The following CCDC83 variants were observed in gnomAD, a reference collection of about 807,000 sequenced individuals.
The protein encoded by CCDC83 is coiled-coil domain containing 83, also known as coiled-coil domain-containing protein 83.
CCDC83 carries 54 observed loss-of-function variants against 50.1 expected under a neutral mutation model. That is an observed-to-expected ratio of 1.08 (90% CI 0.87 to 1.35). CCDC83 has a LOEUF of 1.35. Among genes scored for constraint, CCDC83 ranks in the 40% most tolerant of loss-of-function variants. CCDC83 has a pLI of 0.00. For missense variants in CCDC83, 518 were observed against 473.9 expected, an observed-to-expected ratio of 1.09 and a Z score of -0.86; for synonymous variants, 161 against 153.3, an observed-to-expected ratio of 1.05 and a Z score of -0.37.
intron 7 of CCDC83, among the ~76,000 whole-genome samples, chr11:85,903,471 T>G (rs1044666691): frequency 4.0e-5 from 6 of 151,728 alleles, no homozygotes; most frequent in African/African-American, 1.5e-4. Context: ...AATTTTTTTT[T>G]TTTGTATTTT....
intron 3 of CCDC83, among the ~76,000 whole-genome samples, chr11:85,876,024 T>A (rs936791437): frequency 6.6e-6 from 1 of 152,174 alleles, no homozygotes; most frequent in Admixed American, 6.5e-5. Context: ...TTTAGTCCTT[T>A]CTTTACCTCT....
chr11:85,913,614 A>G (rs563550015), intron 8 of CCDC83, among the ~76,000 whole-genome samples: 9 of 152,324 alleles, frequency 5.9e-5, no homozygotes, highest in African/African-American at 2.2e-4. Flanking sequence ...AAGAAGTTCT[A>G]TTTCCCTATT....
At chr11:85,901,154 T>G (rs1210522170) in intron 7 of CCDC83, among the ~76,000 whole-genome samples, 1 of 151,824 alleles carries the variant, frequency 6.6e-6, no homozygotes, top group Non-Finnish European at 1.5e-5. Context: ...ATCACTTGAG[T>G]GCAGGAGTTT....
chr11:85,908,652 C>T (rs1028671555), intron 7 of CCDC83, among the ~76,000 whole-genome samples: 1 of 151,706 alleles, frequency 6.6e-6, no homozygotes, highest in African/African-American at 2.4e-5. Context: ...CCTGTAATCC[C>T]AGCACTTCGG....
At chr11:85,884,536 G>A (rs7101889) in intron 4 of CCDC83, among the ~76,000 whole-genome samples, 1 of 151,982 alleles carries the variant, frequency 6.6e-6, no homozygotes, top group African/African-American at 2.4e-5. Flanking sequence ...AAAAATCCAA[G>A]TCAAACTAGC....
chr11:85,873,334 T>C (rs2093250757), intron 3 of CCDC83, 39 bp downstream of exon 3: 1 of 769,780 alleles, frequency 1.3e-6, no homozygotes. Context: ...AGTCATTAAA[T>C]ATTTACACTC....
intron 10 of CCDC83, among the ~76,000 whole-genome samples, chr11:85,917,361 A>G (rs1263174167): frequency 1.3e-5 from 2 of 152,170 alleles, no homozygotes; most frequent in East Asian, 1.9e-4. Context: ...CACTTCCATC[A>G]TATTCTACTG....
chr11:85,859,158 TAAAA>T (rs55964668), intron 1 of CCDC83, among the ~76,000 whole-genome samples: 1 of 68,786 alleles, frequency 1.5e-5, no homozygotes, highest in Admixed American at 1.6e-4. Flanking sequence ...CTTGGTGCCT[TAAAA>T]AAAAAAAAAA....
chr11:85,884,837 G>GAACAAC (rs1027752527), intron 4 of CCDC83, among the ~76,000 whole-genome samples: 1 of 152,314 alleles, frequency 6.6e-6, no homozygotes, highest in East Asian at 1.9e-4. Flanking sequence ...TCGAATGAGA[G>GAACAAC]AACAACTACC....
chr11:85,858,812 C>CT, intron 1 of CCDC83, among the ~76,000 whole-genome samples: 1 of 152,090 alleles, frequency 6.6e-6, no homozygotes, highest in Non-Finnish European at 1.5e-5. Context: ...AAAGCAGCAG[C>CT]TATATTGAAG....
In CCDC83 at chr11:85,881,462, A is replaced by G. The variant is rs2093300090; in HGVS notation, c.181-1051A>G. Among the ~76,000 whole-genome samples the G allele has an allele frequency of 2.0e-5, 3 of 151,970 alleles. No homozygotes were observed. The South Asian group carries it at 6.2e-4, about 32-fold the overall frequency. On this transcript the variant is annotated intron_variant, in intron 3 of 10. Coordinates refer to ENST00000342404, the MANE Select transcript of CCDC83 (RefSeq NM_001286159.2). ...TTTTGAAACTGGGTCTTTCTCTGTC[A>G]CCCAAGCTGGAGTGCAATGGTGCGA...
intron 8 of CCDC83, chr11:85,912,617 T>C: frequency 7.5e-7 from 1 of 1,339,844 alleles, no homozygotes; most frequent in Non-Finnish European, 1.1e-6. Flanking sequence ...TAGGCAATGC[T>C]CACTTTTGCC....
chr11:85,911,537 A>C, intron 8 of CCDC83, 135 bp downstream of exon 8: 1 of 689,922 alleles, frequency 1.4e-6, no homozygotes, highest in Admixed American at 3.4e-5. Flanking sequence ...GGACAAAAAA[A>C]ATGCTCATGG....
intron 10 of CCDC83, among the ~76,000 whole-genome samples, chr11:85,917,188 GAAAGAGAA>G (rs1484071058): frequency 2.0e-5 from 2 of 102,150 alleles, no homozygotes; most frequent in Non-Finnish European, 4.1e-5. Context: ...AAGAAAGAAA[GAAAGAGAA>G]AGAAAGAAAG....
At chr11:85,880,277 TTTTA>T (rs936751273) in intron 3 of CCDC83, among the ~76,000 whole-genome samples, 5 of 152,126 alleles carry the variant, frequency 3.3e-5, no homozygotes, top group African/African-American at 7.2e-5. Context: ...CTTGTTTTAT[TTTTA>T]TTTATTTAAT....
chr11:85,909,091 G>A (rs529349036), intron 7 of CCDC83, among the ~76,000 whole-genome samples: 37 of 152,032 alleles, frequency 2.4e-4, no homozygotes, highest in Non-Finnish European at 4.1e-4. Context: ...ACACCACTAC[G>A]CCCAGCTAAT....
At chr11:85,895,496 C>A in intron 6 of CCDC83, 112 bp downstream of exon 6, 1 of 613,832 alleles carries the variant, frequency 1.6e-6, no homozygotes, top group Non-Finnish European at 2.9e-6. Context: ...ATTTGGGATG[C>A]TCAACCTGTA....
rs897927544 is a variant in CCDC83, at chr11:85,884,658, A to G, written c.344-1542A>G. Among the ~76,000 whole-genome samples the G allele has an allele frequency of 5.9e-5, 9 of 152,334 alleles. No individual in the cohort carries two copies. In the East Asian group the frequency reaches 1.5e-3, roughly 26 times the overall value. ...CTGTCAGATCTCAGCTTAAACAAACAAACAAAAATCTCTGGGGCGTATGTG... is the reference window on the plus strand; with the variant it reads ...CTGTCAGATCTCAGCTTAAACAAACGAACAAAAATCTCTGGGGCGTATGTG... On this transcript the variant is annotated intron_variant, in intron 4 of 10. Coordinates refer to ENST00000342404, the MANE Select transcript of CCDC83 (RefSeq NM_001286159.2).
At chr11:85,906,461 C>T (rs997748000) in intron 7 of CCDC83, among the ~76,000 whole-genome samples, 8 of 152,144 alleles carry the variant, frequency 5.3e-5, no homozygotes, top group Non-Finnish European at 1.2e-4. Context: ...GGGCTGTTTT[C>T]ATGACTTGAC....
Sources: gnomAD v4.1 joint callset for allele counts (sites outside exome capture counted in the v4.1 genomes callset) on GRCh38, gnomAD v4.1.1 for gene constraint, MANE v1.5 for transcripts, NCBI Gene and HGNC (gene_info 2026-07-23, HGNC 2026-07-21) for gene names.